The following ST7 variants were observed in gnomAD, a reference collection of about 807,000 sequenced individuals.
ST7 encodes suppressor of tumorigenicity 7 protein.
A neutral mutation model predicts 78.7 loss-of-function variants in ST7; 28 were observed. That is an observed-to-expected ratio of 0.36 (90% CI 0.26 to 0.49). The LOEUF is 0.49. ST7 is among the 20% of genes least tolerant of loss of function. The pLI, the probability that ST7 is intolerant of heterozygous loss-of-function variation, is 0.99. For synonymous variants in ST7, 247 were observed against 249.6 expected, an observed-to-expected ratio of 0.99 and a Z score of 0.10; for missense variants, 418 against 696.0, an observed-to-expected ratio of 0.60 and a Z score of 4.49.
intron 1 of ST7, among the ~76,000 whole-genome samples, chr7:116,969,897 GAA>G (rs1210692304): frequency 6.6e-6 from 1 of 152,134 alleles, no homozygotes; most frequent in Non-Finnish European, 1.5e-5. Flanking sequence ...CCAACATGGA[GAA>G]ACCCTGTGTC....
At chr7:117,206,069 T>C (rs1487998639) in intron 12 of ST7, among the ~76,000 whole-genome samples, 1 of 152,266 alleles carries the variant, frequency 6.6e-6, no homozygotes, top group East Asian at 1.9e-4. Context: ...TTGCCAGCCA[T>C]TTTAAGCCTG....
intron 12 of ST7, among the ~76,000 whole-genome samples, chr7:117,205,899 C>T (rs1563167500): frequency 1.3e-5 from 2 of 152,206 alleles, no homozygotes; most frequent in African/African-American, 2.4e-5. Flanking sequence ...ATGGACAAAG[C>T]GTGTTCTTTG....
intron 1 of ST7, among the ~76,000 whole-genome samples, chr7:117,094,657 A>C (rs1429399145): frequency 6.6e-6 from 1 of 152,178 alleles, no homozygotes; most frequent in Non-Finnish European, 1.5e-5. Flanking sequence ...GTTCTGGGAA[A>C]CAGATAGGAA....
chr7:117,029,843 T>C (rs1171562803), intron 1 of ST7, among the ~76,000 whole-genome samples: 2 of 152,098 alleles, frequency 1.3e-5, no homozygotes, highest in African/African-American at 4.8e-5. Flanking sequence ...TTGGCAACTT[T>C]ATCAGAAGTC....
rs1256723471 is a variant in ST7, at chr7:117,190,862, G to A, written c.1180G>A (p.Gly394Arg). 6.2e-7 allele frequency: 1 copy of A among 1,613,950 alleles called. No homozygotes were observed. Among genetic ancestry groups the A allele is most frequent in the Non-Finnish European group, 8.5e-7 (1 of 1,179,992 alleles). Residue 394 changes from glycine to arginine, a missense_variant, in exon 12 of 16, where the codon GGG (glycine) becomes AGG (arginine). By Grantham distance (125) the Gly-to-Arg change is moderately radical. Transcript: ENST00000323984. The surrounding 1 kb of genome is among the most constrained non-coding windows in gnomAD (Gnocchi z 5.2). Reference sequence around the variant, plus strand: ...CTCTCCTGAGGCTGCATCTCGGCGGGGGCTGAGCACAGCAGAGATGAATGC... The same window carrying A: ...CTCTCCTGAGGCTGCATCTCGGCGGAGGCTGAGCACAGCAGAGATGAATGC... ...KFSPEAASRRGLSTAEMNAVE... is the reference protein window; with the variant it reads ...KFSPEAASRRRLSTAEMNAVE...
At chr7:117,090,634 G>C (rs1800540022) in intron 1 of ST7, 2 of 162,486 alleles carry the variant, frequency 1.2e-5, no homozygotes, top group Admixed American at 1.3e-4. Flanking sequence ...GTATTAAATA[G>C]TTTATGAGAA....
chr7:117,157,878 A>G (rs1806828268), intron 9 of ST7, among the ~76,000 whole-genome samples: 2 of 152,200 alleles, frequency 1.3e-5, no homozygotes, highest in Admixed American at 1.3e-4. Flanking sequence ...TCTCCGGGCT[A>G]GGACACAGCC....
chr7:117,139,737 A>G (rs1167805847), intron 9 of ST7, among the ~76,000 whole-genome samples: 2 of 152,190 alleles, frequency 1.3e-5, no homozygotes, highest in Non-Finnish European at 2.9e-5. Flanking sequence ...AATCTCCCTC[A>G]ATTAAATTAT....
At chr7:117,003,774 T>A (rs1464803098) in intron 1 of ST7, among the ~76,000 whole-genome samples, 1 of 152,214 alleles carries the variant, frequency 6.6e-6, no homozygotes, top group African/African-American at 2.4e-5. Flanking sequence ...AGGACTTTTT[T>A]AAGAAAATGT....
Position 117,194,594 on chromosome 7 carries a change from A to C in ST7, c.1254+3658A>C, listed in dbSNP as rs899633915. Among the ~76,000 whole-genome samples the C allele has an allele frequency of 2.0e-5, 3 of 152,230 alleles. No homozygotes were observed. In the South Asian group the frequency reaches 6.2e-4, roughly 31 times the overall value. On this transcript the variant is annotated intron_variant, in intron 12 of 15. Coordinates refer to ENST00000323984, the MANE Select transcript of ST7 (RefSeq NM_001369598.1). ...ACAAAAGAAGACAAAGAAATCTTGA[A>C]TCCATTAGAGGATGTTTTCCATTTA...
At chr7:117,133,106 C>T (rs111235110) in intron 6 of ST7, among the ~76,000 whole-genome samples, 2,699 of 151,970 alleles carry the variant, frequency 0.018, 32 homozygotes, top group Non-Finnish European at 0.027. Flanking sequence ...GGCTTCTAGT[C>T]GTCACTACTT....
Position 117,193,182 on chromosome 7 carries a change from C to T in ST7, c.1254+2246C>T, listed in dbSNP as rs992374905. On this transcript the variant is annotated intron_variant, in intron 12 of 15. Coordinates refer to ENST00000323984, the MANE Select transcript of ST7 (RefSeq NM_001369598.1). ...ACACACACACACACACACACACACA[C>T]GGTGCCTTGGAGGCAGTGAATAATA... 6.6e-5 allele frequency among the ~76,000 whole-genome samples: 10 copies of T among 151,270 alleles called. No individual in the cohort carries two copies. The East Asian group carries it at 9.7e-4, about 15-fold the overall frequency.
chr7:117,172,154 T>C (rs1808045858), intron 10 of ST7, among the ~76,000 whole-genome samples: 2 of 152,156 alleles, frequency 1.3e-5, no homozygotes, highest in African/African-American at 4.8e-5. Context: ...GTTATCGTTA[T>C]GTTACCCAGG....
At chr7:116,981,758 A>C (rs918684073) in intron 1 of ST7, among the ~76,000 whole-genome samples, 1 of 152,194 alleles carries the variant, frequency 6.6e-6, no homozygotes, top group African/African-American at 2.4e-5. Context: ...GTAGGAGTAC[A>C]CTCTAAAATA....
At chr7:117,171,714 G>A (rs1165919612) in intron 10 of ST7, among the ~76,000 whole-genome samples, 3 of 151,682 alleles carry the variant, frequency 2.0e-5, no homozygotes, top group African/African-American at 4.8e-5. Context: ...TACCTGCCAC[G>A]ACATTGTTAC....
At chr7:117,013,815 AGAGT>A (rs1795481766) in intron 1 of ST7, among the ~76,000 whole-genome samples, 2 of 152,234 alleles carry the variant, frequency 1.3e-5, no homozygotes, top group Admixed American at 1.3e-4. Context: ...CCTGAGCGAC[AGAGT>A]GAGACTCCGC....
At chr7:116,987,132 A>T (rs1267636479) in intron 1 of ST7, among the ~76,000 whole-genome samples, 2 of 152,212 alleles carry the variant, frequency 1.3e-5, no homozygotes, top group African/African-American at 2.4e-5. Flanking sequence ...CTTCTGGCAG[A>T]CAAAGTAAGA....
intron 12 of ST7, among the ~76,000 whole-genome samples, chr7:117,197,044 C>T (rs1810384269): frequency 2.0e-5 from 3 of 151,990 alleles, no homozygotes; most frequent in Non-Finnish European, 2.9e-5. Flanking sequence ...CTTTCCCACC[C>T]GCTGACCCAA....
chr7:117,217,621 T>G (rs1396154231), intron 13 of ST7, among the ~76,000 whole-genome samples: 1 of 152,238 alleles, frequency 6.6e-6, no homozygotes, highest in Non-Finnish European at 1.5e-5. Flanking sequence ...GCAAAAGTCA[T>G]CTTTGTTTGC....
Sources: allele counts gnomAD v4.1 joint callset (sites outside exome capture counted in the v4.1 genomes callset), GRCh38; gene constraint gnomAD v4.1.1; non-coding constraint Gnocchi (gnomAD v3.1); transcripts MANE v1.5; gene names NCBI Gene and HGNC (gene_info 2026-07-23, HGNC 2026-07-21).